The following CDK16 variants were observed in gnomAD, a reference collection of about 807,000 sequenced individuals.
The protein encoded by CDK16 is cyclin dependent kinase 16, also known as cyclin-dependent kinase 16.
In CDK16, 2 loss-of-function variants were observed where a neutral mutation model predicts 41.6. That is an observed-to-expected ratio of 0.05 (90% CI 0.02 to 0.15). CDK16 has a LOEUF of 0.15. Among genes scored for constraint, CDK16 ranks in the 10% least tolerant of loss-of-function variants. The pLI is 1.00. For missense variants in CDK16, 228 were observed against 428.9 expected (o/e 0.53, Z 4.14); for synonymous variants, 169 against 169.7 (o/e 1.00, Z 0.03).
chrX:47,220,547 G>C (rs1937296912), intron 1 of CDK16, among the ~76,000 whole-genome samples: 1 of 109,689 alleles, frequency 9.1e-6, no homozygotes, highest in African/African-American at 3.3e-5. Flanking sequence ...TGGTAGAACA[G>C]TGTGTTTGTG....
chrX:47,227,107 T>G lies in CDK16; in HGVS notation c.1241+8T>G, dbSNP rs1937566323. Reference sequence around the variant, plus strand: ...TTTGAGCCACGCACCCCGGTGAGGCTGGTGGGTGGGTGGGCGTTAGGGGCC... The same window carrying G: ...TTTGAGCCACGCACCCCGGTGAGGCGGGTGGGTGGGTGGGCGTTAGGGGCC... On this transcript the variant is annotated splice_region_variant and intron_variant, in intron 12 of 15. Coordinates refer to ENST00000357227, the MANE Select transcript of CDK16 (RefSeq NM_006201.5). The G allele has an allele frequency of 8.3e-7, 1 of 1,206,407 alleles. No individual in the cohort carries two copies. The highest frequency in any genetic ancestry group is 1.1e-6 in the Non-Finnish European group (1 of 891,936).
intron 8 of CDK16, 61 bp downstream of exon 8, chrX:47,226,088 A>C: frequency 8.7e-7 from 1 of 1,144,400 alleles, no homozygotes; most frequent in Admixed American, 2.5e-5. Context: ...TCCAACCCAC[A>C]AATCTCCCAG....
chrX:47,229,204 TC>T lies in CDK16; in HGVS notation c.*438del, dbSNP rs2055296147. ...AGTCTGAGGCATCCTCTGCCTGCTT[TC>T]CTGCCTGCCCCACCTGCCTCATATT... On this transcript the variant is annotated 3_prime_UTR_variant, in exon 16 of 16. Coordinates refer to ENST00000357227, the MANE Select transcript of CDK16 (RefSeq NM_006201.5). 2 of 266,044 alleles carry T rather than the reference TC, an allele frequency of 7.5e-6. No individual in the cohort carries two copies. Among genetic ancestry groups the T allele is most frequent in the Admixed American group, 6.2e-5 (1 of 16,168 alleles). 21.9% of individuals were successfully genotyped at this position (266,044 alleles called of 1,213,427 possible).
intron 1 of CDK16, among the ~76,000 whole-genome samples, chrX:47,219,335 G>A (rs2147313693): frequency 9.1e-6 from 1 of 110,165 alleles, no homozygotes; most frequent in African/African-American, 3.3e-5. Flanking sequence ...GGGACCTGGG[G>A]GAGTCAAAGG....
At chrX:47,219,171 A>AG in intron 1 of CDK16, 66 bp downstream of exon 1, 9 of 777,855 alleles carry the variant, frequency 1.2e-5, no homozygotes, top group Non-Finnish European at 1.4e-5. Flanking sequence ...GGCGGTGCCC[A>AG]GGGGTCTGGG....
intron 1 of CDK16, chrX:47,223,154 G>A (rs1401430274): frequency 1.7e-6 from 2 of 1,155,407 alleles, no homozygotes; most frequent in African/African-American, 1.8e-5. Context: ...CTGGGCACAC[G>A]CCCTGGCCGA....
intron 15 of CDK16, 26 bp from the exon 16 acceptor site, chrX:47,228,705 G>T: frequency 8.3e-7 from 1 of 1,208,980 alleles, no homozygotes; most frequent in East Asian, 3.0e-5. Context: ...CCCACCAACA[G>T]CCATCTGCTC....
chrX:47,222,260 G>C (rs1192096167), intron 1 of CDK16: 1 of 111,932 alleles, frequency 8.9e-6, no homozygotes, highest in Non-Finnish European at 1.9e-5. Context: ...CTCTGTGTCA[G>C]TCACTATTCC....
rs2055287207 is a variant in CDK16, at chrX:47,228,844, T to C, written c.*76T>C. On this transcript the variant is annotated 3_prime_UTR_variant, in exon 16 of 16. Coordinates refer to ENST00000357227, the MANE Select transcript of CDK16 (RefSeq NM_006201.5). ...TCACAGGGCAGCCCCCAACTACATC[T>C]TCCCTGCTTACTCTCTGCCTACCTG... The C allele has an allele frequency of 5.0e-6, 5 of 998,205 alleles. No homozygotes were observed. The highest frequency in any genetic ancestry group is 7.0e-6 in the Non-Finnish European group (5 of 714,733). The allele number at this position is 998,205 out of a possible 1,213,427, so 82.3% of individuals were successfully genotyped here. A position where few individuals can be genotyped will look rare whatever the true frequency, so the allele number is the denominator to read the frequency against.
chrX:47,225,315 G>T (rs973820008), intron 6 of CDK16, among the ~76,000 whole-genome samples: 10 of 112,095 alleles, frequency 8.9e-5, no homozygotes, highest in Non-Finnish European at 3.8e-5. Flanking sequence ...CCAGGGTTTG[G>T]TTCTGAGAAC....
chrX:47,221,507 T>A (rs1475272310), intron 1 of CDK16, among the ~76,000 whole-genome samples: 1 of 111,200 alleles, frequency 9.0e-6, no homozygotes, highest in Non-Finnish European at 1.9e-5. Flanking sequence ...CCTTGGGGTT[T>A]CCAGTTAGAG....
At chrX:47,228,031 A>G (rs2055264428) in intron 14 of CDK16, 1 of 114,647 alleles carries the variant, frequency 8.7e-6, no homozygotes. Flanking sequence ...AAATATATGT[A>G]TTTATATATT....
Position 47,218,837 on chromosome X carries a change from CCAA to C in CDK16, c.-273_-271del. On this transcript the variant is annotated 5_prime_UTR_variant, in exon 1 of 16. Coordinates refer to ENST00000357227, the MANE Select transcript of CDK16 (RefSeq NM_006201.5). ...GTGAGCACTCGGATTCAAGCCGGCG[CCAA>C]CGAGTCCGGGGGCATCGCCCGCAGC... The C allele has an allele frequency of 8.8e-7, 1 of 1,139,082 alleles. No homozygotes were observed. The highest frequency in any genetic ancestry group is 1.9e-5 in the South Asian group (1 of 51,751). 93.9% of individuals were successfully genotyped at this position (1,139,082 alleles called of 1,213,427 possible).
At chrX:47,218,641 G>C (rs781902655), upstream of CDK16, 3 of 1,166,920 alleles carry the variant, frequency 2.6e-6, no homozygotes, top group East Asian at 6.5e-5. Context: ...CTGCGGACGG[G>C]TCCTTTGGTA....
Position 47,219,027 on chromosome X carries a change from G to C in CDK16, c.-85G>C. On this transcript the variant is annotated 5_prime_UTR_variant, in exon 1 of 16. Transcript: ENST00000357227. ...GCGAACAGGAGGAGAAGGAGGTCGC[G>C]CGGCCTCATCCCGGGCCGCCGCCCC... 3 of 848,490 alleles carry C rather than the reference G, an allele frequency of 3.5e-6. No individual in the cohort carries two copies. Among genetic ancestry groups the C allele is most frequent in the Non-Finnish European group, 1.4e-6 (1 of 701,218 alleles). 69.9% of individuals were successfully genotyped at this position (848,490 alleles called of 1,213,427 possible). A position where few individuals can be genotyped will look rare whatever the true frequency, so the allele number is the denominator to read the frequency against.
chrX:47,222,956 C>A, intron 1 of CDK16: 1 of 766,703 alleles, frequency 1.3e-6, no homozygotes. Flanking sequence ...ACACGCTCCC[C>A]TCCCCCCCCC....
intron 1 of CDK16, chrX:47,222,976 A>C (rs866451580): frequency 1.6e-4 from 67 of 423,046 alleles, no homozygotes; most frequent in Non-Finnish European, 2.0e-4. Flanking sequence ...CCACCTGGGT[A>C]GATGAATGGG....
At chrX:47,223,870 C>T (rs755643650) in intron 2 of CDK16, 111 bp downstream of exon 2, 2 of 621,240 alleles carry the variant, frequency 3.2e-6, no homozygotes, top group South Asian at 2.7e-5. Flanking sequence ...TTCTCTGCCC[C>T]CCATGTGCTC....
rs1201221632 is a variant in CDK16, at chrX:47,229,338, G to A, written c.*570G>A. ...CAATATCTCTGTATACAGACTGGCT[G>A]GGCCCCACCCCCTGCGTGTGGCCCT... On this transcript the variant is annotated 3_prime_UTR_variant, in exon 16 of 16. Coordinates refer to ENST00000357227, the MANE Select transcript of CDK16 (RefSeq NM_006201.5). 6.6e-6 allele frequency: 2 copies of A among 301,086 alleles called. No individual in the cohort carries two copies. The highest frequency in any genetic ancestry group is 1.3e-5 in the Non-Finnish European group (2 of 158,724). The allele number at this position is 301,086 out of a possible 1,213,427, so 24.8% of individuals were successfully genotyped here.
Sources: gnomAD v4.1 joint callset for allele counts (sites outside exome capture counted in the v4.1 genomes callset) on GRCh38, gnomAD v4.1.1 for gene constraint, MANE v1.5 for transcripts, NCBI Gene and HGNC (gene_info 2026-07-23, HGNC 2026-07-21) for gene names.